Variants in CSN3 observed in about 807,000 individuals in gnomAD.
CSN3 encodes the protein casein kappa.
A neutral mutation model predicts 9.9 loss-of-function variants in CSN3; 7 were observed. That is an observed-to-expected ratio of 0.71 (90% CI 0.40 to 1.33). CSN3 has a LOEUF of 1.33. CSN3 is among the 40% of genes most tolerant of loss of function. The probability of loss-of-function intolerance (pLI) is 0.01; values close to 1 mark genes in which losing one functional copy is unlikely to be tolerated. For synonymous variants in CSN3, 88 were observed against 82.3 expected (o/e 1.07, Z -0.37); for missense variants, 253 against 227.9 (o/e 1.11, Z -0.71).
upstream of CSN3, among the ~76,000 whole-genome samples, chr4:70,240,490 ACT>A (rs1159750271): frequency 1.3e-5 from 2 of 151,916 alleles, no homozygotes; most frequent in East Asian, 3.9e-4. Flanking sequence ...GGTTATAAAC[ACT>A]CTCAGTTTGG....
At chr4:70,249,182 C>T in exon 4 of CSN3, 3 of 1,614,056 alleles carry the variant, frequency 1.9e-6, no homozygotes, top group South Asian at 2.2e-5. Flanking sequence ...AGGCCACATG[C>T]CCAAATTCCT....
chr4:70,246,174 C>A (rs2109696334), intron 2 of CSN3, among the ~76,000 whole-genome samples: 1 of 152,114 alleles, frequency 6.6e-6, no homozygotes, highest in Non-Finnish European at 1.5e-5. Context: ...CTATTTTATC[C>A]CTTCCCCCAA....
intron 4 of CSN3, among the ~76,000 whole-genome samples, chr4:70,250,694 C>T (rs955921399): frequency 6.6e-6 from 1 of 152,046 alleles, no homozygotes; most frequent in Admixed American, 6.6e-5. Context: ...ACCAGTAGGA[C>T]TGAGGACATT....
At chr4:70,245,573 A>ATTG (rs1411787520) in intron 2 of CSN3, among the ~76,000 whole-genome samples, 1 of 151,956 alleles carries the variant, frequency 6.6e-6, no homozygotes, top group Non-Finnish European at 1.5e-5. Flanking sequence ...TGTTTTGGCT[A>ATTG]TTGCCTCTTT....
chr4:70,249,536 A>G (rs1730446239), intron 4 of CSN3, 43 bp downstream of exon 4: 4 of 1,111,500 alleles, frequency 3.6e-6, no homozygotes, highest in Non-Finnish European at 5.2e-6. Context: ...GACAAGAAGC[A>G]TGGATTTATG....
chr4:70,244,804 A>G lies in CSN3; in HGVS notation c.-8-8A>G. The G allele has an allele frequency of 6.7e-7, 1 of 1,490,556 alleles. No individual in the cohort carries two copies. Among genetic ancestry groups the G allele is most frequent in the Non-Finnish European group, 9.0e-7 (1 of 1,111,848 alleles). 92.3% of individuals were successfully genotyped at this position (1,490,556 alleles called of 1,614,324 possible). The stretch of plus-strand genomic sequence containing the variant: ...TTTAAATTAATTTTTTTTTAAATTT[A>G]TCTTTAGGTGCAATAATGAAGAGTT... On this transcript the variant is annotated splice_polypyrimidine_tract_variant and splice_region_variant and intron_variant, in intron 1 of 4. Transcript: ENST00000304954.
chr4:70,241,267 C>A (rs143465471), upstream of CSN3, among the ~76,000 whole-genome samples: 3 of 151,986 alleles, frequency 2.0e-5, no homozygotes, highest in East Asian at 3.9e-4. Context: ...CTTGGTTTAG[C>A]CATTTTAAAT....
chr4:70,248,476 A>T (rs1371416757), intron 3 of CSN3, among the ~76,000 whole-genome samples: 1 of 152,156 alleles, frequency 6.6e-6, no homozygotes, highest in Non-Finnish European at 1.5e-5. Context: ...TCCACATCAC[A>T]TTATGTTACT....
chr4:70,249,436 G>A (rs1315494725), exon 4 of CSN3: 8 of 1,613,316 alleles, frequency 5.0e-6, no homozygotes, highest in African/African-American at 1.3e-5. Flanking sequence ...AACCACAGTT[G>A]CAGTTACTCC....
At chr4:70,245,118 A>G (rs891456437) in intron 2 of CSN3, among the ~76,000 whole-genome samples, 3 of 152,110 alleles carry the variant, frequency 2.0e-5, no homozygotes, top group African/African-American at 7.2e-5. Context: ...GGAAACTTTT[A>G]AAATTCTCAT....
intron 1 of CSN3, among the ~76,000 whole-genome samples, chr4:70,243,841 C>T (rs1730319838): frequency 6.6e-6 from 1 of 151,998 alleles, no homozygotes; most frequent in Non-Finnish European, 1.5e-5. Flanking sequence ...GTCAAAGCCA[C>T]TGTAATTGTC....
chr4:70,245,010 A>T (rs940718743), intron 2 of CSN3, 137 bp downstream of exon 2: 1 of 398,958 alleles, frequency 2.5e-6, no homozygotes, highest in Non-Finnish European at 4.4e-6. Flanking sequence ...TTTAAGGTTA[A>T]TTTTTTTAAT....
At chr4:70,251,154 T>A (rs2109701017) in intron 4 of CSN3, 108 bp from the exon 5 acceptor site, 1 of 152,324 alleles carries the variant, frequency 6.6e-6, no homozygotes, top group Admixed American at 6.5e-5. Flanking sequence ...CTGATTGACT[T>A]ATTGGATACA....
intron 4 of CSN3, 23 bp downstream of exon 4, chr4:70,249,516 G>C (rs1730445732): frequency 7.7e-7 from 1 of 1,307,046 alleles, no homozygotes; most frequent in Non-Finnish European, 1.1e-6. Flanking sequence ...TATATAAAAT[G>C]AGTAATTCCG....
exon 4 of CSN3, chr4:70,249,007 A>C: frequency 6.3e-7 from 1 of 1,584,618 alleles, no homozygotes; most frequent in Non-Finnish European, 8.6e-7. Context: ...GTGCCATGAG[A>C]ATGATGAAAG....
At chr4:70,239,853 A>AT (rs780344776), upstream of CSN3, among the ~76,000 whole-genome samples, 3 of 151,898 alleles carry the variant, frequency 2.0e-5, no homozygotes, top group Non-Finnish European at 2.9e-5. Flanking sequence ...ATTTTATGCT[A>AT]TTTTTTCCAT....
At chr4:70,245,064 C>A (rs188502316) in intron 2 of CSN3, among the ~76,000 whole-genome samples, 191 bp downstream of exon 2, 1 of 152,004 alleles carries the variant, frequency 6.6e-6, no homozygotes, top group African/African-American at 2.4e-5. Context: ...TTTTGGATAT[C>A]CATTTAGTTC....
At chr4:70,240,637 C>T (rs534791353), upstream of CSN3, among the ~76,000 whole-genome samples, 3 of 151,904 alleles carry the variant, frequency 2.0e-5, no homozygotes, top group Non-Finnish European at 4.4e-5. Context: ...TTCATCTACT[C>T]CAGTCACTCA....
chr4:70,248,831 G>A (rs1325896115), intron 3 of CSN3, among the ~76,000 whole-genome samples, 167 bp from the exon 4 acceptor site: 2 of 151,566 alleles, frequency 1.3e-5, no homozygotes, highest in African/African-American at 4.8e-5. Context: ...AAGTGGAAAG[G>A]CAATGTACAA....
Sources: allele counts gnomAD v4.1 joint callset (sites outside exome capture counted in the v4.1 genomes callset), GRCh38; gene constraint gnomAD v4.1.1; transcripts MANE v1.5; gene names NCBI Gene and HGNC (gene_info 2026-07-23, HGNC 2026-07-21).